CRYBG3: variants seen among roughly 807,000 people sequenced by gnomAD.
CRYBG3 encodes the protein very large A-kinase anchor protein.
CRYBG3 carries 127 observed loss-of-function variants against 244.2 expected under a neutral mutation model. The observed-to-expected ratio is 0.52, with a 90% confidence interval of 0.45 to 0.60. The LOEUF (loss-of-function observed/expected upper bound fraction) is 0.60, where lower values mean the gene tolerates loss of function less well. CRYBG3 is among the 20% of genes least tolerant of loss of function. CRYBG3 has a pLI of 0.00. For missense variants in CRYBG3, 3,325 were observed against 3,442.5 expected, an observed-to-expected ratio of 0.97 and a Z score of 0.85; for synonymous variants, 1,132 against 1,195.8, an observed-to-expected ratio of 0.95 and a Z score of 1.10.
At chr3:97,941,706 C>T (rs1337940506) in intron 20 of CRYBG3, 1 of 154,086 alleles carries the variant, frequency 6.5e-6, no homozygotes, top group Non-Finnish European at 1.4e-5. Flanking sequence ...TACAAAGAAG[C>T]AGTAGAAGAA....
At chr3:97,903,387 G>A (rs1315453664) in intron 15 of CRYBG3, among the ~76,000 whole-genome samples, 2 of 152,152 alleles carry the variant, frequency 1.3e-5, no homozygotes, top group African/African-American at 4.8e-5. Context: ...AATTATTTCA[G>A]TAAAGAAAGC....
Position 97,875,639 on chromosome 3 carries a change from T to C in CRYBG3, c.4445T>C (p.Val1482Ala). The C allele has an allele frequency of 8.1e-7, 1 of 1,235,112 alleles. No individual in the cohort carries two copies. The highest frequency in any genetic ancestry group is 1.0e-6 in the Non-Finnish European group (1 of 990,272). 76.5% of individuals were successfully genotyped at this position (1,235,112 alleles called of 1,614,324 possible). A position where few individuals can be genotyped will look rare whatever the true frequency, so the allele number is the denominator to read the frequency against. Residue 1482 changes from valine to alanine, a missense_variant, in exon 4 of 22, where the codon GTG (valine) becomes GCG (alanine). Physicochemically the swap from Val to Ala is moderately conservative, Grantham distance 64 (BLOSUM62 0). Coordinates refer to ENST00000389622, the MANE Select transcript of CRYBG3 (RefSeq NM_153605.4). ...LVLNFKWPPL[V>A]NDDIHAPGTS... ...TTAAATTTCAAATGGCCTCCACTTG[T>C]GAATGATGACATCCATGCACCTGGT... is the stretch of plus-strand genomic sequence containing the variant.
At chr3:97,885,898 GT>G (rs1199653382) in intron 7 of CRYBG3, among the ~76,000 whole-genome samples, 9 of 152,316 alleles carry the variant, frequency 5.9e-5, no homozygotes, top group African/African-American at 2.2e-4. Context: ...TTGACTAGTG[GT>G]TGTAAGTAGG....
chr3:97,852,738 T>C (rs1359254060), intron 2 of CRYBG3, among the ~76,000 whole-genome samples: 1 of 152,198 alleles, frequency 6.6e-6, no homozygotes, highest in East Asian at 1.9e-4. Context: ...TTTTGGTTTT[T>C]GGAGCAACCT....
intron 1 of CRYBG3, among the ~76,000 whole-genome samples, chr3:97,830,466 T>C (rs144838064): frequency 1.6e-3 from 244 of 152,226 alleles, no homozygotes; most frequent in African/African-American, 5.8e-3. Flanking sequence ...CACGTATTCC[T>C]CTTTCTTGGT....
Position 97,877,478 on chromosome 3 carries a change from A to C in CRYBG3, c.6284A>C (p.Gln2095Pro), listed in dbSNP as rs377608758. The C allele has an allele frequency of 3.7e-6, 6 of 1,614,202 alleles. No homozygotes were observed. Among genetic ancestry groups the C allele is most frequent in the Non-Finnish European group, 5.1e-6 (6 of 1,180,024 alleles). Residue 2095 changes from glutamine (Q) to proline (P), a missense_variant, in exon 4 of 22, where the codon CAG (glutamine) becomes CCG (proline). Transcript: ENST00000389622. ...CCCATTTATGAGGATGACAGCTCAC[A>C]GGAGGACATTCTATCTAGTGAGGTT... Reference protein sequence around the residue: ...LSPIYEDDSSQEDILSSEVSP... With the variant: ...LSPIYEDDSSPEDILSSEVSP...
At chr3:97,906,805 G>A (rs1036881937) in intron 15 of CRYBG3, among the ~76,000 whole-genome samples, 2 of 152,040 alleles carry the variant, frequency 1.3e-5, no homozygotes, top group Non-Finnish European at 2.9e-5. Flanking sequence ...GGTGAGAGAG[G>A]GCATCCCTGT....
At chr3:97,856,415 C>T (rs1250249122) in intron 2 of CRYBG3, among the ~76,000 whole-genome samples, 2 of 151,918 alleles carry the variant, frequency 1.3e-5, no homozygotes, top group Non-Finnish European at 2.9e-5. Context: ...CAGCTGACAG[C>T]ATTAAGAGAT....
intron 6 of CRYBG3, 75 bp from the exon 7 acceptor site, chr3:97,880,997 A>C: frequency 8.2e-7 from 1 of 1,224,890 alleles, no homozygotes; most frequent in Admixed American, 3.4e-5. Flanking sequence ...TAAGTAGACA[A>C]AATGGTCTGT....
At chr3:97,932,022 A>G (rs1272605801) in intron 17 of CRYBG3, among the ~76,000 whole-genome samples, 2 of 152,078 alleles carry the variant, frequency 1.3e-5, no homozygotes, top group Non-Finnish European at 2.9e-5. Context: ...CCAATTTAAA[A>G]TAAATATTCC....
At position 97,847,507 on chromosome 3, in the gene CRYBG3, C is replaced by T. The variant is rs73850194; in HGVS notation, c.216+4246C>T. On this transcript the variant is annotated intron_variant, in intron 2 of 21. Coordinates refer to ENST00000389622, the MANE Select transcript of CRYBG3 (RefSeq NM_153605.4). Reference sequence around the variant, plus strand: ...GTTATGTACCATGATTCTTCCTATTCGTGTACTGAATTTTTAAGCTATATT... The same window carrying T: ...GTTATGTACCATGATTCTTCCTATTTGTGTACTGAATTTTTAAGCTATATT... 4.5e-3 allele frequency among the ~76,000 whole-genome samples: 682 copies of T among 152,272 alleles called. 2 individuals carry two copies. Among genetic ancestry groups the T allele is most frequent in the African/African-American group, 0.015 (619 of 41,548 alleles).
chr3:97,910,593 C>T (rs911048089), intron 15 of CRYBG3, among the ~76,000 whole-genome samples: 2 of 152,198 alleles, frequency 1.3e-5, no homozygotes, highest in Non-Finnish European at 2.9e-5. Flanking sequence ...GGCAATGCCT[C>T]TCCCTGCTTC....
intron 15 of CRYBG3, among the ~76,000 whole-genome samples, chr3:97,910,282 C>T (rs377317050): frequency 1.3e-5 from 2 of 152,100 alleles, no homozygotes; most frequent in Non-Finnish European, 2.9e-5. Flanking sequence ...CCACCCAGTT[C>T]GAGCTTCCTG....
intron 7 of CRYBG3, among the ~76,000 whole-genome samples, chr3:97,882,705 T>G (rs1432618337): frequency 6.6e-6 from 1 of 152,196 alleles, no homozygotes; most frequent in Non-Finnish European, 1.5e-5. Context: ...AAAGTATAAA[T>G]TGAGATGAAA....
intron 2 of CRYBG3, among the ~76,000 whole-genome samples, chr3:97,861,598 GT>G (rs1449296698): frequency 1.3e-5 from 2 of 152,148 alleles, no homozygotes; most frequent in African/African-American, 4.8e-5. Flanking sequence ...GCCTTCATCA[GT>G]AACATTCATA....
At chr3:97,864,818 G>A (rs1361858847) in intron 3 of CRYBG3, among the ~76,000 whole-genome samples, 171 bp downstream of exon 3, 1 of 152,008 alleles carries the variant, frequency 6.6e-6, no homozygotes, top group African/African-American at 2.4e-5. Context: ...ATCAATCATG[G>A]TACAGAGAAC....
At chr3:97,879,563 T>C in intron 4 of CRYBG3, 141 bp from the exon 5 acceptor site, 5 of 592,538 alleles carry the variant, frequency 8.4e-6, no homozygotes, top group Middle Eastern at 3.8e-4. Flanking sequence ...TTTATATCAC[T>C]TGTATCGAGA....
At chr3:97,889,429 C>G in intron 10 of CRYBG3, 39 bp downstream of exon 10, 1 of 1,497,518 alleles carries the variant, frequency 6.7e-7, no homozygotes. Context: ...GCTAAAGAGT[C>G]TCAGGATTAA....
intron 19 of CRYBG3, among the ~76,000 whole-genome samples, chr3:97,939,043 A>G (rs2107107225): frequency 6.6e-6 from 1 of 152,150 alleles, no homozygotes; most frequent in South Asian, 2.1e-4. Context: ...CTCTGTTGTT[A>G]GAGACTTTAG....
Sources: gnomAD v4.1 joint callset for allele counts (sites outside exome capture counted in the v4.1 genomes callset) on GRCh38, gnomAD v4.1.1 for gene constraint, MANE v1.5 for transcripts, NCBI Gene and HGNC (gene_info 2026-07-23, HGNC 2026-07-21) for gene names.